PKHD1: variants seen among roughly 807,000 people sequenced by gnomAD.
PKHD1 encodes the protein PKHD1 ciliary IPT domain containing fibrocystin/polyductin.
A neutral mutation model predicts 412.0 loss-of-function variants in PKHD1; 291 were observed. That is an observed-to-expected ratio of 0.71 (90% CI 0.64 to 0.78). The LOEUF is 0.78. PKHD1 is among the 30% of genes least tolerant of loss of function. PKHD1 has a pLI of 0.00. For synonymous variants in PKHD1, 1,777 were observed against 1,821.5 expected, an observed-to-expected ratio of 0.98 and a Z score of 0.62; for missense variants, 4,825 against 4,950.7, an observed-to-expected ratio of 0.97 and a Z score of 0.76.
At chr6:51,648,162 C>T (rs758856368) in intron 62 of PKHD1, 44 bp from the exon 63 acceptor site, 11 of 1,066,354 alleles carry the variant, frequency 1.0e-5, no homozygotes, top group Non-Finnish European at 1.6e-5. Context: ...AAGTTGGATT[C>T]AGAAGAGAAT....
At position 51,748,247 on chromosome 6, in the gene PKHD1, C is replaced by A. The variant is rs745523374; in HGVS notation, c.9369G>T (p.Ala3123=). The A allele has an allele frequency of 2.2e-5, 35 of 1,614,014 alleles. No individual in the cohort carries two copies. In the Middle Eastern group the frequency reaches 6.6e-4, roughly 30 times the overall value. The change falls in exon 58 of 67, where the codon GCG becomes GCT. Residue 3123 remains alanine (A), a synonymous_variant. Transcript: ENST00000371117. The stretch of plus-strand genomic sequence containing the variant: ...GATGAAGGCCATGAAGACTTGAATG[C>A]GCCACATTGTCAGACCAAAGCAGTT... ...SCELLWSDNV[A]HSSLHGLHLY...
chr6:51,831,449 T>C (rs1425349705), intron 51 of PKHD1, among the ~76,000 whole-genome samples: 1 of 152,204 alleles, frequency 6.6e-6, no homozygotes, highest in East Asian at 1.9e-4. Context: ...CATTTTATAA[T>C]ATTATTTAAA....
In PKHD1 at chr6:52,046,686, A is replaced by G. The variant is rs553463501; in HGVS notation, c.2408-498T>C. 2.0e-5 allele frequency among the ~76,000 whole-genome samples: 3 copies of G among 152,354 alleles called. No individual in the cohort carries two copies. In the East Asian group the frequency reaches 5.8e-4, roughly 29 times the overall value. ...GGCATTTAACTTCAGTTTCTCTATTAGAATTTTCTTTAAGCCCAACCACCT... is the reference window on the plus strand; with the variant it reads ...GGCATTTAACTTCAGTTTCTCTATTGGAATTTTCTTTAAGCCCAACCACCT... On this transcript the variant is annotated intron_variant, in intron 23 of 66. Coordinates refer to ENST00000371117, the MANE Select transcript of PKHD1 (RefSeq NM_138694.4).
chr6:51,747,551 T>A (rs1785364617), intron 58 of PKHD1, among the ~76,000 whole-genome samples: 2 of 152,154 alleles, frequency 1.3e-5, no homozygotes, highest in Admixed American at 1.3e-4. Context: ...TATATTCAAA[T>A]TTTTTAAATT....
intron 37 of PKHD1, among the ~76,000 whole-genome samples, chr6:51,917,541 A>G (rs1784020331): frequency 6.6e-6 from 1 of 152,182 alleles, no homozygotes; most frequent in African/African-American, 2.4e-5. Flanking sequence ...GGAGCACTGC[A>G]ATCACACCAA....
At chr6:51,656,044 T>G (rs2150397158) in intron 61 of PKHD1, among the ~76,000 whole-genome samples, 1 of 152,258 alleles carries the variant, frequency 6.6e-6, no homozygotes, top group South Asian at 2.1e-4. Flanking sequence ...CATGCACACA[T>G]ATGTTTATTG....
intron 37 of PKHD1, among the ~76,000 whole-genome samples, chr6:51,928,118 A>G (rs1206518247): frequency 6.6e-6 from 1 of 152,196 alleles, no homozygotes; most frequent in East Asian, 1.9e-4. Flanking sequence ...ACAATATGAA[A>G]TAAGAAGGAT....
At chr6:51,907,665 A>G (rs1428951606) in intron 40 of PKHD1, among the ~76,000 whole-genome samples, 1 of 152,148 alleles carries the variant, frequency 6.6e-6, no homozygotes, top group Non-Finnish European at 1.5e-5. Context: ...AAATTTTTTA[A>G]AAAGTACTGT....
At chr6:51,738,224 A>G (rs1784107775) in intron 60 of PKHD1, among the ~76,000 whole-genome samples, 1 of 152,198 alleles carries the variant, frequency 6.6e-6, no homozygotes, top group South Asian at 2.1e-4. Context: ...GCACTCCAAC[A>G]CAGCTAGCAC....
At chr6:51,885,049 T>C (rs932184154) in intron 45 of PKHD1, among the ~76,000 whole-genome samples, 1 of 152,238 alleles carries the variant, frequency 6.6e-6, no homozygotes, top group Non-Finnish European at 1.5e-5. Flanking sequence ...TGTGACATTA[T>C]TATATGTTTG....
intron 60 of PKHD1, among the ~76,000 whole-genome samples, chr6:51,696,622 G>A (rs1378769017): frequency 6.6e-6 from 1 of 152,150 alleles, no homozygotes; most frequent in Non-Finnish European, 1.5e-5. Flanking sequence ...AAAGCAAATG[G>A]ATATCCTGCT....
intron 48 of PKHD1, among the ~76,000 whole-genome samples, chr6:51,866,905 CA>C (rs1775158606): frequency 6.6e-6 from 1 of 151,898 alleles, no homozygotes; most frequent in African/African-American, 2.4e-5. Context: ...TCATTAACGT[CA>C]GGTAGAATAA....
intron 60 of PKHD1, among the ~76,000 whole-genome samples, chr6:51,715,210 GTTA>G (rs1781115634): frequency 6.6e-6 from 1 of 151,998 alleles, no homozygotes; most frequent in African/African-American, 2.4e-5. Flanking sequence ...AGGCAGAACA[GTTA>G]TTATCATGCC....
intron 35 of PKHD1, among the ~76,000 whole-genome samples, chr6:52,008,775 G>A (rs1864386): frequency 6.6e-6 from 1 of 152,100 alleles, no homozygotes; most frequent in Non-Finnish European, 1.5e-5. Flanking sequence ...CTTTACAGAT[G>A]AGAAAACTGA....
At chr6:51,670,211 C>T (rs12206744) in intron 60 of PKHD1, among the ~76,000 whole-genome samples, 4,424 of 151,268 alleles carry the variant, frequency 0.029, 81 homozygotes, top group Middle Eastern at 0.048. Flanking sequence ...TCAGGACTTG[C>T]TTTATGAATC....
intron 53 of PKHD1, among the ~76,000 whole-genome samples, chr6:51,790,999 A>G (rs1793647518): frequency 6.6e-6 from 1 of 152,168 alleles, no homozygotes; most frequent in Non-Finnish European, 1.5e-5. Context: ...AATGAGCAGT[A>G]GCAGGCGGAC....
chr6:51,950,210 G>GAAAAAAAA (rs574963733), intron 36 of PKHD1, among the ~76,000 whole-genome samples: 9 of 113,142 alleles, frequency 8.0e-5, no homozygotes, highest in African/African-American at 1.8e-4. Flanking sequence ...GCAATATAGA[G>GAAAAAAAA]AAAAAAAAAA....
intron 60 of PKHD1, among the ~76,000 whole-genome samples, chr6:51,662,336 C>CCA (rs146119481): frequency 1.3e-5 from 2 of 150,760 alleles, no homozygotes; most frequent in African/African-American, 2.4e-5. Flanking sequence ...CATATTCTCA[C>CCA]CACACACACA....
chr6:51,872,831 G>T (rs1776188597), intron 46 of PKHD1, among the ~76,000 whole-genome samples: 1 of 150,560 alleles, frequency 6.6e-6, no homozygotes, highest in African/African-American at 2.4e-5. Context: ...TACTAATAAA[G>T]GGGTCTCCAT....
Sources: gnomAD v4.1 joint callset for allele counts (sites outside exome capture counted in the v4.1 genomes callset) on GRCh38, gnomAD v4.1.1 for gene constraint, MANE v1.5 for transcripts, NCBI Gene and HGNC (gene_info 2026-07-23, HGNC 2026-07-21) for gene names.